ARFGEF3: variants seen among roughly 807,000 people sequenced by gnomAD.
ARFGEF3 encodes the protein ARFGEF family member 3, also known as brefeldin A-inhibited guanine nucleotide-exchange protein 3.
A neutral mutation model predicts 221.7 loss-of-function variants in ARFGEF3; 96 were observed. The ratio of observed to expected loss-of-function variants is 0.43; its 90% confidence interval spans 0.37 to 0.51. The LOEUF is 0.51. Among genes scored for constraint, ARFGEF3 ranks in the 20% least tolerant of loss-of-function variants. The pLI is 0.00. For missense variants in ARFGEF3, 2,410 were observed against 2,789.9 expected (o/e 0.86, Z 3.07); for synonymous variants, 1,145 against 1,126.8 (o/e 1.02, Z -0.32).
intron 4 of ARFGEF3, chr6:138,218,168 T>A (rs1464329390): frequency 6.2e-7 from 1 of 1,613,992 alleles, no homozygotes; most frequent in Admixed American, 1.7e-5. Context: ...TTGCATGGTG[T>A]GACTGTTCTA....
At chr6:138,320,549 G>A (rs764652856) in intron 28 of ARFGEF3, among the ~76,000 whole-genome samples, 6 of 152,198 alleles carry the variant, frequency 3.9e-5, no homozygotes, top group South Asian at 2.1e-4. Flanking sequence ...CTTATAACTC[G>A]AAGGACTGGC....
intron 4 of ARFGEF3, among the ~76,000 whole-genome samples, chr6:138,224,672 G>A (rs988527886): frequency 3.3e-5 from 5 of 152,196 alleles, no homozygotes; most frequent in Admixed American, 2.0e-4. Flanking sequence ...GCCCAGCAAG[G>A]TGCTGTAAAC....
Position 138,324,076 on chromosome 6 carries a change from C to T in ARFGEF3, c.4923C>T (p.Cys1641=), listed in dbSNP as rs779016024. The T allele has an allele frequency of 6.2e-7, 1 of 1,613,902 alleles. No individual in the cohort carries two copies. Among genetic ancestry groups the T allele is most frequent in the South Asian group, 1.1e-5 (1 of 91,072 alleles). ...CGGAGAGCTTCAGCGGGGAAGGCTG[C>T]CAGGTGCGAGTGGCGGCCCCGTCCT... ...SGTESFSGEG[C]QVRVAAPSSS... Residue 1641 remains cysteine (C), a synonymous_variant, in exon 31 of 34, where the codon TGC becomes TGT. Transcript: ENST00000251691.
intron 2 of ARFGEF3, among the ~76,000 whole-genome samples, chr6:138,206,456 A>G (rs79916689): frequency 0.015 from 2,199 of 151,324 alleles, 58 homozygotes; most frequent in African/African-American, 0.05. Context: ...AAACATGTTC[A>G]TTAAGAACCT....
intron 12 of ARFGEF3, among the ~76,000 whole-genome samples, chr6:138,271,495 A>G (rs1490285596): frequency 6.6e-6 from 1 of 152,210 alleles, no homozygotes; most frequent in African/African-American, 2.4e-5. Context: ...TAAAGGTTTT[A>G]CTGATATTAA....
rs190705658 is a variant in ARFGEF3, at chr6:138,291,554, A to C, written c.3048-179A>C. ...GTCTGGTCCAACTCAAATACTACTA[A>C]TAATAATGCTGTGTGACATGAGAAC... On this transcript the variant is annotated intron_variant, in intron 18 of 33. Transcript: ENST00000251691. This position sits in a 1 kb window ranked among gnomAD's most constrained non-coding sequence, Gnocchi z 4.5. 2.2e-3 allele frequency among the ~76,000 whole-genome samples: 334 copies of C among 152,200 alleles called. 1 individual carries two copies. The highest frequency in any genetic ancestry group is 7.5e-3 in the African/African-American group (311 of 41,524).
intron 2 of ARFGEF3, among the ~76,000 whole-genome samples, chr6:138,187,377 C>A (rs1188440803): frequency 6.6e-6 from 1 of 152,116 alleles, no homozygotes; most frequent in Admixed American, 6.5e-5. Flanking sequence ...TTTCACAGAC[C>A]CCATTGTCCT....
At chr6:138,250,211 G>A (rs1778555298) in intron 8 of ARFGEF3, among the ~76,000 whole-genome samples, 1 of 152,098 alleles carries the variant, frequency 6.6e-6, no homozygotes, top group Non-Finnish European at 1.5e-5. Flanking sequence ...TTGGACTCTT[G>A]GGAGGATTCA....
chr6:138,191,963 G>A (rs762551007), intron 2 of ARFGEF3, among the ~76,000 whole-genome samples: 2 of 152,152 alleles, frequency 1.3e-5, no homozygotes, highest in African/African-American at 4.8e-5. Context: ...TAATCAGAAA[G>A]AGCACCATAA....
In ARFGEF3 at chr6:138,207,142, G is replaced by A. The variant is rs78159300; in HGVS notation, c.219+19G>A. 2.7e-3 allele frequency: 4,254 copies of A among 1,592,014 alleles called. 106 individuals are homozygous for A. In the African/African-American group the frequency reaches 0.049, roughly 18 times the overall value. ...GATGCAGGTATGGCTTTGACTGAATGCAATGGGATGATAGAAATTGACAGG... is the reference window on the plus strand; with the variant it reads ...GATGCAGGTATGGCTTTGACTGAATACAATGGGATGATAGAAATTGACAGG... On this transcript the variant is annotated intron_variant, in intron 3 of 33. Transcript: ENST00000251691.
intron 32 of ARFGEF3, among the ~76,000 whole-genome samples, chr6:138,328,349 A>T (rs992240068): frequency 6.6e-6 from 1 of 152,212 alleles, no homozygotes; most frequent in African/African-American, 2.4e-5. Flanking sequence ...CTGCCACAGA[A>T]AGTACCACAG....
Position 138,179,968 on chromosome 6 carries a change from C to T in ARFGEF3, c.137+9255C>T, listed in dbSNP as rs537727162. Among the ~76,000 whole-genome samples the T allele has an allele frequency of 1.1e-4, 17 of 152,214 alleles. No individual in the cohort carries two copies. The East Asian group carries it at 2.3e-3, about 21-fold the overall frequency. Reference sequence around the variant, plus strand: ...AGGACTACAGGTGTATGGCACCATGCCCAGTTAATTTTTTTAAAATTTTTT... The same window carrying T: ...AGGACTACAGGTGTATGGCACCATGTCCAGTTAATTTTTTTAAAATTTTTT... On this transcript the variant is annotated intron_variant, in intron 2 of 33. Transcript: ENST00000251691.
intron 32 of ARFGEF3, among the ~76,000 whole-genome samples, chr6:138,332,653 A>T (rs1001274106): frequency 6.6e-5 from 10 of 152,194 alleles, no homozygotes; most frequent in African/African-American, 1.7e-4. Flanking sequence ...AGTTTCTGTT[A>T]AAAATTATGA....
At chr6:138,297,464 G>T (rs1379495440) in intron 21 of ARFGEF3, among the ~76,000 whole-genome samples, 1 of 152,194 alleles carries the variant, frequency 6.6e-6, no homozygotes, top group Admixed American at 6.5e-5. Flanking sequence ...TTTTATGGCA[G>T]CTCTACATCT....
At chr6:138,296,063 A>G (rs2114643308) in intron 20 of ARFGEF3, among the ~76,000 whole-genome samples, 1 of 152,214 alleles carries the variant, frequency 6.6e-6, no homozygotes, top group African/African-American at 2.4e-5. Flanking sequence ...GAAGGTGGCA[A>G]ACCCCGCCCC....
intron 18 of ARFGEF3, among the ~76,000 whole-genome samples, chr6:138,290,593 C>T (rs1779385497): frequency 2.0e-5 from 3 of 152,236 alleles, no homozygotes; most frequent in Non-Finnish European, 4.4e-5. Context: ...TCCAAGTCCT[C>T]TTACAACTAA....
At chr6:138,285,206 G>C (rs540384916) in intron 14 of ARFGEF3, among the ~76,000 whole-genome samples, 1 of 152,216 alleles carries the variant, frequency 6.6e-6, no homozygotes, top group East Asian at 1.9e-4. Flanking sequence ...GCTCACGCCT[G>C]TAATCCCAGC....
chr6:138,311,399 G>GC lies in ARFGEF3; in HGVS notation c.4097-4dup. On this transcript the variant is annotated splice_region_variant and splice_polypyrimidine_tract_variant and intron_variant, in intron 24 of 33. Transcript: ENST00000251691. Reference sequence around the variant, plus strand: ...ACTGTTGGTCTCTGTCTCCCGTGCCGCCCCTAGGGGAGGTGGACTGTAAAG... The same window carrying GC: ...ACTGTTGGTCTCTGTCTCCCGTGCCGCCCCCTAGGGGAGGTGGACTGTAAAG... The GC allele has an allele frequency of 1.3e-6, 2 of 1,587,106 alleles. No individual in the cohort carries two copies. Among genetic ancestry groups the GC allele is most frequent in the Non-Finnish European group, 1.7e-6 (2 of 1,163,996 alleles).
At chr6:138,202,356 A>T (rs1011998859) in intron 2 of ARFGEF3, among the ~76,000 whole-genome samples, 2 of 152,162 alleles carry the variant, frequency 1.3e-5, no homozygotes, top group African/African-American at 4.8e-5. Context: ...TTTCTCTTTC[A>T]TTAAAATCAC....
Sources: gnomAD v4.1 joint callset for allele counts (sites outside exome capture counted in the v4.1 genomes callset) on GRCh38, gnomAD v4.1.1 for gene constraint, Gnocchi (gnomAD v3.1) non-coding constraint, MANE v1.5 for transcripts, NCBI Gene and HGNC (gene_info 2026-07-23, HGNC 2026-07-21) for gene names.